The following VTI1A variants were observed in gnomAD, a reference collection of about 807,000 sequenced individuals.
VTI1A encodes vesicle transport through interaction with t-SNAREs homolog 1A.
VTI1A carries 22 observed loss-of-function variants against 34.9 expected under a neutral mutation model. The observed-to-expected ratio is 0.63, with a 90% confidence interval of 0.45 to 0.90. VTI1A has a LOEUF of 0.90. Ranked by LOEUF, VTI1A falls within the 40% of genes least tolerant of loss-of-function variation. The probability of loss-of-function intolerance (pLI) is 0.00; values close to 1 mark genes in which losing one functional copy is unlikely to be tolerated. For missense variants in VTI1A, 268 were observed against 275.6 expected, an observed-to-expected ratio of 0.97 and a Z score of 0.20; for synonymous variants, 87 against 97.3, an observed-to-expected ratio of 0.89 and a Z score of 0.62.
chr10:112,551,137 C>G (rs1347249073), intron 5 of VTI1A, among the ~76,000 whole-genome samples: 1 of 149,080 alleles, frequency 6.7e-6, no homozygotes, highest in Non-Finnish European at 1.5e-5. Flanking sequence ...CCAGCTACTC[C>G]GGAGGCTGAG....
At chr10:112,548,675 C>T in intron 5 of VTI1A, 1 of 1,212,090 alleles carries the variant, frequency 8.3e-7, no homozygotes, top group East Asian at 2.3e-5. Flanking sequence ...TTTGCCAGCT[C>T]CAGCAGCCTT....
In VTI1A at chr10:112,759,402, A is replaced by G. The variant is rs111583427; in HGVS notation, c.561-55888A>G. On this transcript the variant is annotated intron_variant, in intron 7 of 7. Transcript: ENST00000393077. ...TGTGTGGGTGGATCACTTTCCTCCC[A>G]CTGTTGAAGTATCATGTTTTGAGCT... is the stretch of plus-strand genomic sequence containing the variant. 5.8e-3 allele frequency among the ~76,000 whole-genome samples: 888 copies of G among 152,266 alleles called. 9 individuals carry two copies. Among genetic ancestry groups the G allele is most frequent in the African/African-American group, 0.02 (827 of 41,556 alleles).
intron 3 of VTI1A, among the ~76,000 whole-genome samples, chr10:112,491,359 T>C (rs1848813833): frequency 6.6e-6 from 1 of 152,190 alleles, no homozygotes; most frequent in Non-Finnish European, 1.5e-5. Context: ...AGCTGAGTCA[T>C]GTAAGGCCAG....
Position 112,787,992 on chromosome 10 carries a change from C to T in VTI1A, c.561-27298C>T, listed in dbSNP as rs144071349. Among the ~76,000 whole-genome samples the T allele has an allele frequency of 7.3e-3, 1,112 of 151,668 alleles. 10 individuals carry two copies. The highest frequency in any genetic ancestry group is 0.024 in the African/African-American group (1,000 of 41,462). On this transcript the variant is annotated intron_variant, in intron 7 of 7. Coordinates refer to ENST00000393077, the MANE Select transcript of VTI1A (RefSeq NM_145206.4). ...GCTGGATTACAGGCATGAGCCACCG[C>T]GCCTGGCCACCAAATTACTTTCTAT...
chr10:112,574,180 G>A (rs768828565), intron 5 of VTI1A, among the ~76,000 whole-genome samples: 3 of 152,170 alleles, frequency 2.0e-5, no homozygotes, highest in African/African-American at 4.8e-5. Context: ...TTGAGGAGTG[G>A]CACATGATTG....
In VTI1A at chr10:112,447,305, C is replaced by G. The variant is rs1846875523; in HGVS notation, c.-69C>G. 2.0e-6 allele frequency: 3 copies of G among 1,532,036 alleles called. No individual in the cohort carries two copies. Among genetic ancestry groups the G allele is most frequent in the South Asian group, 1.2e-5 (1 of 85,174 alleles). The allele number at this position is 1,532,036 out of a possible 1,614,324, so 94.9% of individuals were successfully genotyped here. ...TTCCGGGGTTCCTAAGCCGCGGGGCCCCTCGCTGCCCCTCGAGGCCCTTTC... is the reference window on the plus strand; with the variant it reads ...TTCCGGGGTTCCTAAGCCGCGGGGCGCCTCGCTGCCCCTCGAGGCCCTTTC... On this transcript the variant is annotated 5_prime_UTR_variant, in exon 1 of 8. Coordinates refer to ENST00000393077, the MANE Select transcript of VTI1A (RefSeq NM_145206.4).
At chr10:112,456,252 T>G (rs1847519606) in intron 1 of VTI1A, among the ~76,000 whole-genome samples, 1 of 152,004 alleles carries the variant, frequency 6.6e-6, no homozygotes, top group Non-Finnish European at 1.5e-5. Context: ...GAAACCTCAT[T>G]CTACTAATAT....
intron 7 of VTI1A, among the ~76,000 whole-genome samples, chr10:112,685,714 A>G (rs754815016): frequency 2.6e-5 from 4 of 151,832 alleles, no homozygotes; most frequent in Admixed American, 6.6e-5. Flanking sequence ...ACCTCATGTT[A>G]TTTTGAGTTT....
At chr10:112,556,538 C>A (rs1851551211) in intron 5 of VTI1A, among the ~76,000 whole-genome samples, 1 of 151,980 alleles carries the variant, frequency 6.6e-6, no homozygotes, top group African/African-American at 2.4e-5. Context: ...ACAAATCTCT[C>A]AACCCATTAA....
rs563223191 is a variant in VTI1A, at chr10:112,668,956, A to G, written c.518A>G (p.Asn173Ser). Reference protein sequence around the residue: ...ARERLRETDANLGKSSRILTG... With the variant: ...ARERLRETDASLGKSSRILTG... ...TTGTAGCTTCGGGAAACAGATGCTA[A>G]TTTGGGAAAAAGCTCCAGGATTCTG... is the stretch of plus-strand genomic sequence containing the variant. The change falls in exon 7 of 8, where the codon AAT becomes AGT. Residue 173 changes from asparagine to serine, a missense_variant. By Grantham distance (46) the Asn-to-Ser change is conservative. Coordinates refer to ENST00000393077, the MANE Select transcript of VTI1A (RefSeq NM_145206.4). 1.2e-6 allele frequency: 2 copies of G among 1,612,522 alleles called. No homozygotes were observed. Among genetic ancestry groups the G allele is most frequent in the South Asian group, 1.1e-5 (1 of 91,022 alleles).
rs368430209 is a variant in VTI1A at position 112,578,539 on chromosome 10, G to A, written c.427+40209G>A. 1.3e-5 allele frequency among the ~76,000 whole-genome samples: 2 copies of A among 152,272 alleles called. 1 individual carries two copies. The highest frequency in any genetic ancestry group is 4.1e-4 in the South Asian group (2 of 4,824). ...TCTGGGATTGAAGCTTAGGAATGAAGTTATAGTTAGACATGTAGACATAAA... is the reference window on the plus strand; with the variant it reads ...TCTGGGATTGAAGCTTAGGAATGAAATTATAGTTAGACATGTAGACATAAA... On this transcript the variant is annotated intron_variant, in intron 5 of 7. Coordinates refer to ENST00000393077, the MANE Select transcript of VTI1A (RefSeq NM_145206.4).
At chr10:112,476,968 TC>T (rs1486430994) in intron 3 of VTI1A, among the ~76,000 whole-genome samples, 5 of 152,184 alleles carry the variant, frequency 3.3e-5, no homozygotes, top group Admixed American at 2.0e-4. Flanking sequence ...AGATCTGATC[TC>T]TAGGGTGAAG....
chr10:112,674,743 A>G (rs1428597579), intron 7 of VTI1A, among the ~76,000 whole-genome samples: 1 of 152,198 alleles, frequency 6.6e-6, no homozygotes. Flanking sequence ...AACTGTGCTT[A>G]GTGAAGTTAA....
intron 2 of VTI1A, among the ~76,000 whole-genome samples, chr10:112,464,303 T>C (rs1847826621): frequency 6.6e-6 from 1 of 152,224 alleles, no homozygotes; most frequent in African/African-American, 2.4e-5. Context: ...TGGCCAAATG[T>C]ATATGTTTTA....
chr10:112,520,494 T>C (rs1296929693), intron 3 of VTI1A, among the ~76,000 whole-genome samples: 1 of 152,000 alleles, frequency 6.6e-6, no homozygotes, highest in Non-Finnish European at 1.5e-5. Flanking sequence ...GGATCTCTGT[T>C]TTGCAAATCA....
At chr10:112,486,762 C>T (rs1848651495) in intron 3 of VTI1A, among the ~76,000 whole-genome samples, 1 of 129,212 alleles carries the variant, frequency 7.7e-6, no homozygotes, top group Non-Finnish European at 1.7e-5. Context: ...ATGTTGCCTA[C>T]AATAACACAC....
chr10:112,778,641 C>T (rs1425765442), intron 7 of VTI1A, among the ~76,000 whole-genome samples: 3 of 152,082 alleles, frequency 2.0e-5, no homozygotes, highest in Non-Finnish European at 4.4e-5. Flanking sequence ...GTATGAGTCA[C>T]CTTAATGAAA....
At chr10:112,456,525 G>A (rs539583658) in intron 1 of VTI1A, among the ~76,000 whole-genome samples, 4 of 152,102 alleles carry the variant, frequency 2.6e-5, no homozygotes, top group Non-Finnish European at 4.4e-5. Context: ...AAGGAAATGA[G>A]GTATGTCTCA....
the VTI1A span, among the ~76,000 whole-genome samples, chr10:112,838,174 C>A: frequency 5.9e-5 from 9 of 152,240 alleles, no homozygotes; most frequent in Non-Finnish European, 7.3e-5. Flanking sequence ...TGGGGCCAAG[C>A]CCGCAAGGCA....
Sources: allele counts gnomAD v4.1 joint callset (sites outside exome capture counted in the v4.1 genomes callset), GRCh38; gene constraint gnomAD v4.1.1; transcripts MANE v1.5; gene names NCBI Gene and HGNC (gene_info 2026-07-23, HGNC 2026-07-21).